SPATA13: variants seen among roughly 807,000 people sequenced by gnomAD.
SPATA13 encodes the protein spermatogenesis-associated protein 13.
SPATA13 carries 50 observed loss-of-function variants against 104.0 expected under a neutral mutation model. The ratio of observed to expected loss-of-function variants is 0.48; its 90% CI spans 0.38 to 0.61. The LOEUF is 0.61. Ranked by LOEUF, SPATA13 falls within the 20% of genes least tolerant of loss-of-function variation. SPATA13 has a pLI of 0.00. For synonymous variants in SPATA13, 606 were observed against 667.5 expected, an observed-to-expected ratio of 0.91 and a Z score of 1.42; for missense variants, 1,524 against 1,690.6, an observed-to-expected ratio of 0.90 and a Z score of 1.73.
At chr13:24,137,529 G>A (rs1005085450) in intron 3 of SPATA13, among the ~76,000 whole-genome samples, 4 of 152,194 alleles carry the variant, frequency 2.6e-5, no homozygotes, top group African/African-American at 9.6e-5. Context: ...GGAGGCTGAG[G>A]CGGGAGGATC....
chr13:24,046,981 A>G (rs953519745), intron 3 of SPATA13, among the ~76,000 whole-genome samples: 2 of 152,124 alleles, frequency 1.3e-5, no homozygotes, highest in Non-Finnish European at 2.9e-5. Flanking sequence ...CCTCTCTCAG[A>G]ACTCAGAGGC....
intron 1 of SPATA13, among the ~76,000 whole-genome samples, chr13:24,204,009 G>T (rs1446730571): frequency 1.3e-5 from 2 of 152,168 alleles, no homozygotes; most frequent in African/African-American, 4.8e-5. Flanking sequence ...GTAATGTGGT[G>T]TGTGTTAGAT....
intron 1 of SPATA13, among the ~76,000 whole-genome samples, chr13:24,164,595 T>G (rs569477514): frequency 1.3e-5 from 2 of 152,318 alleles, no homozygotes; most frequent in African/African-American, 4.8e-5. Context: ...TGGTTATAAC[T>G]GAGGAGCAAG....
At chr13:24,036,770 G>T (rs982688567) in intron 3 of SPATA13, among the ~76,000 whole-genome samples, 2 of 152,064 alleles carry the variant, frequency 1.3e-5, no homozygotes, top group East Asian at 1.9e-4. Flanking sequence ...TAACGTTATT[G>T]TCGGTACCAC....
chr13:24,154,549 A>G (rs1170875248), intron 3 of SPATA13, among the ~76,000 whole-genome samples: 1 of 152,052 alleles, frequency 6.6e-6, no homozygotes, highest in Non-Finnish European at 1.5e-5. Flanking sequence ...CACATAAGGG[A>G]GTCTTTTGAG....
intron 4 of SPATA13, among the ~76,000 whole-genome samples, chr13:24,257,327 C>A (rs570353615): frequency 7.2e-4 from 109 of 152,240 alleles, no homozygotes; most frequent in Admixed American, 2.5e-3. Flanking sequence ...CACCCGTGCA[C>A]CAAAGTCAGT....
At chr13:24,245,584 CTTT>C (rs61316306) in intron 2 of SPATA13, among the ~76,000 whole-genome samples, 19,191 of 88,146 alleles carry the variant, frequency 0.22, 1,562 homozygotes, top group Middle Eastern at 0.35. Context: ...ACAGTTGTTT[CTTT>C]TTTTTTTTTT....
In SPATA13 at chr13:24,024,567, A is replaced by G. The variant is rs529849110; in HGVS notation, c.-112+6866A>G. On this transcript the variant is annotated intron_variant, in intron 3 of 14. Coordinates refer to the SPATA13 transcript ENST00000424834. ...ACCAGGGCCCTGCTGGTGGCCACAC[A>G]GCACGGTTCTACAGAGCAGCTGGCA... is the stretch of plus-strand genomic sequence containing the variant. 1.1e-4 allele frequency among the ~76,000 whole-genome samples: 17 copies of G among 152,182 alleles called. 1 individual carries two copies. In the South Asian group the frequency reaches 2.1e-3, roughly 19 times the overall value.
intron 2 of SPATA13, among the ~76,000 whole-genome samples, chr13:23,987,761 TC>T (rs1264032564): frequency 1.3e-5 from 2 of 152,124 alleles, no homozygotes. Flanking sequence ...CAATTGGAAT[TC>T]CCACTCCCCT....
At chr13:24,257,317 C>T (rs2248601) in intron 4 of SPATA13, among the ~76,000 whole-genome samples, 22,101 of 152,154 alleles carry the variant, frequency 0.15, 1,995 homozygotes, top group African/African-American at 0.25. Flanking sequence ...GACGAATGCA[C>T]ACCCGTGCAC....
intron 3 of SPATA13, among the ~76,000 whole-genome samples, chr13:24,128,607 GAAA>G (rs1253156459): frequency 1.3e-5 from 2 of 151,992 alleles, no homozygotes; most frequent in East Asian, 3.9e-4. Context: ...CCGGGCCCCA[GAAA>G]TCTGCATTCT....
intron 3 of SPATA13, among the ~76,000 whole-genome samples, chr13:24,096,269 G>C (rs1593326375): frequency 6.6e-6 from 1 of 152,138 alleles, no homozygotes; most frequent in African/African-American, 2.4e-5. Context: ...GTTATGGTTA[G>C]TGCTGTAAAG....
chr13:24,024,379 A>T (rs2182225), intron 3 of SPATA13, among the ~76,000 whole-genome samples: 13,542 of 152,104 alleles, frequency 0.089, 957 homozygotes, highest in African/African-American at 0.18. Flanking sequence ...GGATGGATGG[A>T]TGGATAGATG....
chr13:23,999,536 G>A (rs1875858163), intron 2 of SPATA13, among the ~76,000 whole-genome samples: 1 of 152,128 alleles, frequency 6.6e-6, no homozygotes, highest in African/African-American at 2.4e-5. Flanking sequence ...AGTTTTAAGT[G>A]TACAGACCTT....
intron 2 of SPATA13, among the ~76,000 whole-genome samples, chr13:24,001,136 C>T (rs1266351591): frequency 6.6e-6 from 1 of 152,178 alleles, no homozygotes; most frequent in East Asian, 1.9e-4. Context: ...CTCTCACCCC[C>T]TACTCTCTCC....
intron 2 of SPATA13, among the ~76,000 whole-genome samples, chr13:24,239,360 G>A (rs1384857625): frequency 6.6e-6 from 1 of 152,016 alleles, no homozygotes; most frequent in Non-Finnish European, 1.5e-5. Context: ...TTACATTGTG[G>A]GATGGAGGCC....
rs1487334789 is a variant in SPATA13 at position 24,205,399 on chromosome 13, T to A, written c.-111-17420T>A. On this transcript the variant is annotated intron_variant, in intron 1 of 12. Coordinates refer to ENST00000382108, the MANE Select transcript of SPATA13 (RefSeq NM_001166271.3). This position sits in a 1 kb window ranked among gnomAD's most constrained non-coding sequence, Gnocchi z 4.1. ...CAGCTAACAAGAGAAGTGAAGGACC[T>A]CTTCAAGGAGAATTACAAACCACTG... Among the ~76,000 whole-genome samples, 3 of 152,140 alleles carry A rather than the reference T, an allele frequency of 2.0e-5. No homozygotes were observed. The highest frequency in any genetic ancestry group is 4.4e-5 in the Non-Finnish European group (3 of 68,032).
intron 3 of SPATA13, chr13:24,035,028 C>T (rs1877627821): frequency 6.6e-6 from 1 of 152,232 alleles, no homozygotes; most frequent in Non-Finnish European, 1.5e-5. Flanking sequence ...CTACATGACA[C>T]ATCAACTTTC....
In SPATA13 at chr13:24,265,511, A is replaced by G. The variant is rs569058045; in HGVS notation, c.2164+13649A>G. On this transcript the variant is annotated intron_variant, in intron 4 of 12. Transcript: ENST00000382108. ...TCCTGTGAAGGACTCTCCCATCCCA[A>G]CTTTAGAAAGTGCAGCCCCGTCTCA... Among the ~76,000 whole-genome samples the G allele has an allele frequency of 1.1e-3, 163 of 152,308 alleles. 1 individual carries two copies. The highest frequency in any genetic ancestry group is 3.8e-3 in the African/African-American group (160 of 41,566).
Sources: allele counts gnomAD v4.1 joint callset (sites outside exome capture counted in the v4.1 genomes callset), GRCh38; gene constraint gnomAD v4.1.1; non-coding constraint Gnocchi (gnomAD v3.1); transcripts MANE v1.5; gene names NCBI Gene and HGNC (gene_info 2026-07-23, HGNC 2026-07-21).